The following BRINP1 variants were observed in gnomAD, a reference collection of about 807,000 sequenced individuals.
BRINP1 encodes BMP/retinoic acid inducible neural specific 1.
In BRINP1, 17 loss-of-function variants were observed where a neutral mutation model predicts 72.9. That is an observed-to-expected ratio of 0.23 (90% CI 0.16 to 0.35). BRINP1 has a LOEUF of 0.35. Ranked by LOEUF, BRINP1 falls within the 10% of genes least tolerant of loss-of-function variation. The pLI is 1.00. For synonymous variants in BRINP1, 418 were observed against 378.5 expected (o/e 1.10, Z -1.21); for missense variants, 850 against 1,001.6 (o/e 0.85, Z 2.04).
At chr9:119,261,798 C>T (rs1564231783) in intron 2 of BRINP1, among the ~76,000 whole-genome samples, 1 of 150,602 alleles carries the variant, frequency 6.6e-6, no homozygotes, top group Non-Finnish European at 1.5e-5. Context: ...TCCTCCCTCC[C>T]TTCCTTTCCT....
At chr9:119,237,996 C>G (rs927222900) in intron 5 of BRINP1, among the ~76,000 whole-genome samples, 1 of 152,110 alleles carries the variant, frequency 6.6e-6, no homozygotes, top group African/African-American at 2.4e-5. Flanking sequence ...AAGATCATGC[C>G]ACCCATTCCA....
intron 1 of BRINP1, among the ~76,000 whole-genome samples, chr9:119,321,391 C>A (rs183863810): frequency 6.6e-6 from 1 of 152,148 alleles, no homozygotes; most frequent in Non-Finnish European, 1.5e-5. Flanking sequence ...CAAGAGCTTT[C>A]GATGTGGCTA....
chr9:119,292,870 A>G (rs543843), intron 2 of BRINP1, among the ~76,000 whole-genome samples: 40,647 of 152,104 alleles, frequency 0.27, 6,548 homozygotes, highest in Non-Finnish European at 0.35. Context: ...AGATGTTTAG[A>G]TAAGGTCAAG....
At chr9:119,185,409 G>T (rs1044155926) in intron 7 of BRINP1, among the ~76,000 whole-genome samples, 2 of 152,138 alleles carry the variant, frequency 1.3e-5, no homozygotes, top group Non-Finnish European at 2.9e-5. Context: ...GGACAATCTT[G>T]CATAACAAAA....
intron 3 of BRINP1, among the ~76,000 whole-genome samples, chr9:119,244,321 T>G (rs1830290441): frequency 6.6e-6 from 1 of 152,208 alleles, no homozygotes; most frequent in Non-Finnish European, 1.5e-5. Flanking sequence ...GGCTTAAAAC[T>G]GATGCTATAT....
chr9:119,356,230 G>C (rs764111742), intron 1 of BRINP1, among the ~76,000 whole-genome samples: 1 of 152,052 alleles, frequency 6.6e-6, no homozygotes, highest in Admixed American at 6.6e-5. Context: ...ACTTCCTACA[G>C]ATCTCTGCTC....
chr9:119,359,238 C>T lies in BRINP1; in HGVS notation c.-51+9818G>A, dbSNP rs944956133. Among the ~76,000 whole-genome samples the T allele has an allele frequency of 9.8e-5, 15 of 152,292 alleles. No individual in the cohort carries two copies. The East Asian group carries it at 1.5e-3, about 16-fold the overall frequency. Reference sequence around the variant, plus strand: ...AGATAGAATCTGACTCTGTTACCCACGCTGAATTGCAGTGGCATGATCACA... The same window carrying T: ...AGATAGAATCTGACTCTGTTACCCATGCTGAATTGCAGTGGCATGATCACA... On this transcript the variant is annotated intron_variant, in intron 1 of 7. Transcript: ENST00000265922.
At chr9:119,307,885 G>C (rs1248363034) in intron 2 of BRINP1, among the ~76,000 whole-genome samples, 1 of 152,170 alleles carries the variant, frequency 6.6e-6, no homozygotes, top group Non-Finnish European at 1.5e-5. Flanking sequence ...TCATTTGGGA[G>C]GCAGCTGGGC....
chr9:119,242,416 A>T (rs1830261593), intron 3 of BRINP1, among the ~76,000 whole-genome samples, 200 bp from the exon 4 acceptor site: 1 of 152,174 alleles, frequency 6.6e-6, no homozygotes, highest in African/African-American at 2.4e-5. Flanking sequence ...TAGGACAAGG[A>T]TCATTAAAAA....
chr9:119,238,865 C>A, intron 4 of BRINP1, 105 bp from the exon 5 acceptor site: 1 of 673,538 alleles, frequency 1.5e-6, no homozygotes, highest in Non-Finnish European at 2.5e-6. Flanking sequence ...AAAAGGCCTC[C>A]TGGTTTGAGT....
At chr9:119,215,888 G>A (rs1189023440) in intron 5 of BRINP1, among the ~76,000 whole-genome samples, 3 of 152,132 alleles carry the variant, frequency 2.0e-5, no homozygotes, top group African/African-American at 4.8e-5. Flanking sequence ...CCTGGGCAGG[G>A]CTGCACTGGC....
chr9:119,313,546 G>A, intron 1 of BRINP1, 141 bp from the exon 2 acceptor site: 3 of 726,838 alleles, frequency 4.1e-6, no homozygotes, highest in Admixed American at 6.1e-5. Context: ...CCTTATATCA[G>A]TAGAGTGCTT....
At position 119,166,855 on chromosome 9, in the gene BRINP1, C is replaced by CT. The variant is rs921607391; in HGVS notation, c.*228dup. ...AACTCCCTCAATGCTCCACAAAAGG[C>CT]TGAGACCCTTCTTCATGACAGAGTG... On this transcript the variant is annotated 3_prime_UTR_variant, in exon 8 of 8. Transcript: ENST00000265922. 1 of 495,346 alleles carries CT rather than the reference C, an allele frequency of 2.0e-6. No homozygotes were observed. The highest frequency in any genetic ancestry group is 3.8e-5 in the Admixed American group (1 of 26,138). 30.7% of individuals were successfully genotyped at this position (495,346 alleles called of 1,614,324 possible). A position where few individuals can be genotyped will look rare whatever the true frequency, so the allele number is the denominator to read the frequency against.
chr9:119,339,335 C>T (rs1257573758), intron 1 of BRINP1, among the ~76,000 whole-genome samples: 4 of 151,488 alleles, frequency 2.6e-5, no homozygotes, highest in East Asian at 3.9e-4. Context: ...CTGAGCTAGA[C>T]ATTAACATGC....
intron 6 of BRINP1, among the ~76,000 whole-genome samples, chr9:119,211,082 A>G: frequency 6.6e-6 from 1 of 152,222 alleles, no homozygotes; most frequent in East Asian, 1.9e-4. Flanking sequence ...GGCTCCGTGG[A>G]TGTCAAAGGG....
At chr9:119,185,016 A>C (rs1360488154) in intron 7 of BRINP1, among the ~76,000 whole-genome samples, 1 of 152,200 alleles carries the variant, frequency 6.6e-6, no homozygotes, top group East Asian at 1.9e-4. Context: ...TCTACCAATC[A>C]GAATAAGAGT....
intron 2 of BRINP1, among the ~76,000 whole-genome samples, chr9:119,305,555 C>A (rs1252088959): frequency 6.6e-6 from 1 of 152,184 alleles, no homozygotes; most frequent in African/African-American, 2.4e-5. Flanking sequence ...TGCTATTCCA[C>A]TTGATAAGGT....
intron 5 of BRINP1, among the ~76,000 whole-genome samples, chr9:119,224,998 T>G (rs1046512193): frequency 2.4e-4 from 36 of 152,176 alleles, no homozygotes; most frequent in African/African-American, 7.5e-4. Flanking sequence ...TTTTTTAATT[T>G]AATTACCATA....
At position 119,283,215 on chromosome 9, in the gene BRINP1, T is replaced by C. The variant is rs1830730350; in HGVS notation, c.218+29923A>G. The C allele has an allele frequency of 4.1e-6, 4 of 978,818 alleles. No homozygotes were observed. The South Asian group carries it at 1.4e-4, about 35-fold the overall frequency. 60.6% of individuals were successfully genotyped at this position (978,818 alleles called of 1,614,324 possible). On this transcript the variant is annotated intron_variant, in intron 2 of 7. Transcript: ENST00000265922. ...ATGAAGGGGTGGAAACAAACAGTAG[T>C]CCTCATCGTCCCTGGAACTGCAGCT... is the stretch of plus-strand genomic sequence containing the variant.
Sources: gnomAD v4.1 joint callset for allele counts (sites outside exome capture counted in the v4.1 genomes callset) on GRCh38, gnomAD v4.1.1 for gene constraint, MANE v1.5 for transcripts, NCBI Gene and HGNC (gene_info 2026-07-23, HGNC 2026-07-21) for gene names.